Variants in NSMF observed in about 807,000 individuals in gnomAD.
The protein encoded by NSMF is nasal embryonic LHRH factor.
Under a neutral mutation model 71.0 loss-of-function variants are expected in NSMF, and 31 were observed. That is an observed-to-expected ratio of 0.44 (90% CI 0.33 to 0.59). The LOEUF is 0.59. Ranked by LOEUF, NSMF falls within the 20% of genes least tolerant of loss-of-function variation. The pLI is 0.04. For missense variants in NSMF, 673 were observed against 740.5 expected (o/e 0.91, Z 1.06); for synonymous variants, 345 against 287.1 (o/e 1.20, Z -2.04).
Position 137,449,820 on chromosome 9 carries a change from CG to C in NSMF, c.1419+102del. ...CATAAAGGATTTCTAGGGGAATGCC[CG>C]GGGGAAGGAAAAAAAATGCCAGGAA... On this transcript the variant is annotated intron_variant, in intron 14 of 15. Coordinates refer to ENST00000371475, the MANE Select transcript of NSMF (RefSeq NM_001130969.3). 2 of 1,330,770 alleles carry C rather than the reference CG, an allele frequency of 1.5e-6. 1 individual carries two copies. Among genetic ancestry groups the C allele is most frequent in the South Asian group, 2.4e-5 (2 of 84,630 alleles). 82.4% of individuals were successfully genotyped at this position (1,330,770 alleles called of 1,614,324 possible).
Position 137,459,076 on chromosome 9 carries a change from C to T in NSMF, c.27G>A (p.Arg9=). 1.6e-6 allele frequency: 2 copies of T among 1,270,064 alleles called. No individual in the cohort carries two copies. The highest frequency in any genetic ancestry group is 5.2e-5 in the South Asian group (2 of 38,184). 78.7% of individuals were successfully genotyped at this position (1,270,064 alleles called of 1,614,324 possible). The part of the protein sequence containing the change: MGAAASRR[R]ALRSEAMSSV... Reference sequence around the variant, plus strand: ...AGGACATGGCCTCGCTCCTCAGCGCCCTCCTCCTGGAGGCGGCGGCGCCCA... The same window carrying T: ...AGGACATGGCCTCGCTCCTCAGCGCTCTCCTCCTGGAGGCGGCGGCGCCCA... Residue 9 remains arginine (R), a synonymous_variant, in exon 1 of 16, where the codon AGG becomes AGA. Transcript: ENST00000371475.
intron 4 of NSMF, among the ~76,000 whole-genome samples, chr9:137,456,123 G>A (rs1830818779): frequency 6.6e-6 from 1 of 152,090 alleles, no homozygotes; most frequent in African/African-American, 2.4e-5. Context: ...GAGTGGATAG[G>A]AGCAGGAGAA....
At position 137,453,658 on chromosome 9, in the gene NSMF, G is replaced by A. The variant is rs971042917; in HGVS notation, c.922+73C>T. 7 of 1,230,588 alleles carry A rather than the reference G, an allele frequency of 5.7e-6. No individual in the cohort carries two copies. Among genetic ancestry groups the A allele is most frequent in the Non-Finnish European group, 7.9e-6 (7 of 888,054 alleles). The allele number at this position is 1,230,588 out of a possible 1,614,324, so 76.2% of individuals were successfully genotyped here. A position where few individuals can be genotyped will look rare whatever the true frequency, so the allele number is the denominator to read the frequency against. ...AAGCGCAGCCCAGCGGCCCTGGCAG[G>A]GGACCCCCAGCAGGGGTCTGGGGTC... On this transcript the variant is annotated intron_variant, in intron 8 of 15. Coordinates refer to ENST00000371475, the MANE Select transcript of NSMF (RefSeq NM_001130969.3). This position sits in a 1 kb window ranked among gnomAD's most constrained non-coding sequence, Gnocchi z 4.5.
chr9:137,449,683 A>C lies in NSMF; in HGVS notation c.1420-9T>G, dbSNP rs761519207. Reference sequence around the variant, plus strand: ...CTGAGGTTCTGGAACAGCTGGAGGAAGCGGGGTGCCATGAGTCCGAGGCAG... The same window carrying C: ...CTGAGGTTCTGGAACAGCTGGAGGACGCGGGGTGCCATGAGTCCGAGGCAG... On this transcript the variant is annotated splice_polypyrimidine_tract_variant and intron_variant, in intron 14 of 15. Coordinates refer to ENST00000371475, the MANE Select transcript of NSMF (RefSeq NM_001130969.3). The C allele has an allele frequency of 1.2e-6, 2 of 1,611,222 alleles. No homozygotes were observed. Among genetic ancestry groups the C allele is most frequent in the South Asian group, 2.2e-5 (2 of 90,758 alleles).
intron 2 of NSMF, 31 bp from the exon 3 acceptor site, chr9:137,457,932 C>A (rs973629661): frequency 1.1e-5 from 17 of 1,536,792 alleles, no homozygotes; most frequent in Non-Finnish European, 1.4e-5. Context: ...GCCTGCCTGC[C>A]GCGTGTGGGC....
chr9:137,449,288 A>G lies in NSMF; in HGVS notation c.*106T>C. On this transcript the variant is annotated 3_prime_UTR_variant, in exon 16 of 16. Transcript: ENST00000371475. ...GTCTGAGGTGCCCTGAAGTGGCTCC[A>G]GGCGAGACCGGAGCCACACAGTCCC... 2.1e-6 allele frequency: 2 copies of G among 938,252 alleles called. No individual in the cohort carries two copies. The highest frequency in any genetic ancestry group is 3.4e-6 in the Non-Finnish European group (2 of 594,996). 58.1% of individuals were successfully genotyped at this position (938,252 alleles called of 1,614,324 possible).
At chr9:137,456,698 G>A (rs1830853839) in intron 3 of NSMF, among the ~76,000 whole-genome samples, 1 of 152,214 alleles carries the variant, frequency 6.6e-6, no homozygotes. Context: ...TTGGTAACTT[G>A]ACGCTTTGAT....
chr9:137,454,363 C>T (rs910369482), intron 7 of NSMF, 28 bp downstream of exon 7: 2 of 1,546,756 alleles, frequency 1.3e-6, no homozygotes, highest in Non-Finnish European at 8.7e-7. Flanking sequence ...CAACGCCGCC[C>T]CCCCACCCCC....
rs1839731587 is a variant in NSMF at position 137,448,762 on chromosome 9, G to A, written c.*632C>T. 6.3e-6 allele frequency: 1 copy of A among 157,952 alleles called. No individual in the cohort carries two copies. The highest frequency in any genetic ancestry group is 2.4e-5 in the African/African-American group (1 of 41,498). 9.8% of individuals were successfully genotyped at this position (157,952 alleles called of 1,614,324 possible). A position where few individuals can be genotyped will look rare whatever the true frequency, so the allele number is the denominator to read the frequency against. ...GGCTGAGGTCTAAGTAAGCAGGGAT[G>A]GGGGGTGGCAAGAGGAGTGTAAGTG... On this transcript the variant is annotated 3_prime_UTR_variant, in exon 16 of 16. Coordinates refer to ENST00000371475, the MANE Select transcript of NSMF (RefSeq NM_001130969.3). The surrounding 1 kb of genome is among the most constrained non-coding windows in gnomAD (Gnocchi z 5.3).
At position 137,449,289 on chromosome 9, in the gene NSMF, G is replaced by A. The variant is rs1839774390; in HGVS notation, c.*105C>T. 4 of 963,582 alleles carry A rather than the reference G, an allele frequency of 4.2e-6. No individual in the cohort carries two copies. Among genetic ancestry groups the A allele is most frequent in the Non-Finnish European group, 6.5e-6 (4 of 617,556 alleles). The allele number at this position is 963,582 out of a possible 1,614,324, so 59.7% of individuals were successfully genotyped here. On this transcript the variant is annotated 3_prime_UTR_variant, in exon 16 of 16. Coordinates refer to ENST00000371475, the MANE Select transcript of NSMF (RefSeq NM_001130969.3). The stretch of plus-strand genomic sequence containing the variant: ...TCTGAGGTGCCCTGAAGTGGCTCCA[G>A]GCGAGACCGGAGCCACACAGTCCCG...
chr9:137,448,893 C>T lies in NSMF; in HGVS notation c.*501G>A, dbSNP rs901327749. 11 of 227,720 alleles carry T rather than the reference C, an allele frequency of 4.8e-5. No individual in the cohort carries two copies. Among genetic ancestry groups the T allele is most frequent in the Non-Finnish European group, 6.9e-5 (8 of 116,238 alleles). The allele number at this position is 227,720 out of a possible 1,614,324, so 14.1% of individuals were successfully genotyped here. The stretch of plus-strand genomic sequence containing the variant: ...CCCGGCGACGCTGGCCCCACGCACA[C>T]GGGCCACCCTGGTGCTGGTGATCGA... On this transcript the variant is annotated 3_prime_UTR_variant, in exon 16 of 16. Transcript: ENST00000371475. The surrounding 1 kb of genome is among the most constrained non-coding windows in gnomAD (Gnocchi z 5.3).
chr9:137,450,506 A>C (rs1224920083), intron 12 of NSMF, among the ~76,000 whole-genome samples: 1 of 16,136 alleles, frequency 6.2e-5, no homozygotes, highest in African/African-American at 3.4e-4. Context: ...CTCCCCCACC[A>C]CACGCCTCTT....
chr9:137,453,650 C>T lies in NSMF; in HGVS notation c.922+81G>A. 8.8e-7 allele frequency: 1 copy of T among 1,132,348 alleles called. No homozygotes were observed. Among genetic ancestry groups the T allele is most frequent in the Non-Finnish European group, 1.2e-6 (1 of 802,934 alleles). The allele number at this position is 1,132,348 out of a possible 1,614,324, so 70.1% of individuals were successfully genotyped here. On this transcript the variant is annotated intron_variant, in intron 8 of 15. Transcript: ENST00000371475. This position sits in a 1 kb window ranked among gnomAD's most constrained non-coding sequence, Gnocchi z 4.5. ...GAGTGCAAAAGCGCAGCCCAGCGGC[C>T]CTGGCAGGGGACCCCCAGCAGGGGT...
intron 9 of NSMF, 73 bp from the exon 10 acceptor site, chr9:137,452,892 G>A (rs774447614): frequency 1.1e-5 from 17 of 1,549,516 alleles, no homozygotes; most frequent in Middle Eastern, 1.8e-4. Context: ...GCCCCCATGA[G>A]GCTACCTTCT....
chr9:137,449,174 G>A lies in NSMF; in HGVS notation c.*220C>T, dbSNP rs970637664. 10 of 600,404 alleles carry A rather than the reference G, an allele frequency of 1.7e-5. No homozygotes were observed. The highest frequency in any genetic ancestry group is 4.4e-4 in the Middle Eastern group (1 of 2,272). 37.2% of individuals were successfully genotyped at this position (600,404 alleles called of 1,614,324 possible). A position where few individuals can be genotyped will look rare whatever the true frequency, so the allele number is the denominator to read the frequency against. ...GGCCGCTGAGCATCCACGGGCCACAGGGCGGGATCCTCCCGGCCCCCAGGG... is the reference window on the plus strand; with the variant it reads ...GGCCGCTGAGCATCCACGGGCCACAAGGCGGGATCCTCCCGGCCCCCAGGG... On this transcript the variant is annotated 3_prime_UTR_variant, in exon 16 of 16. Coordinates refer to ENST00000371475, the MANE Select transcript of NSMF (RefSeq NM_001130969.3).
intron 2 of NSMF, 99 bp downstream of exon 2, chr9:137,458,389 G>T: frequency 1.8e-6 from 2 of 1,105,008 alleles, no homozygotes; most frequent in Non-Finnish European, 2.6e-6. Context: ...GGGCCCACGC[G>T]CAACCAATGC....
chr9:137,456,682 A>G (rs1385248353), intron 3 of NSMF, among the ~76,000 whole-genome samples, 196 bp from the exon 4 acceptor site: 1 of 152,214 alleles, frequency 6.6e-6, no homozygotes, highest in African/African-American at 2.4e-5. Flanking sequence ...CACCAAGACC[A>G]CGCTCTTGGT....
chr9:137,449,941 C>T lies in NSMF; in HGVS notation c.1401G>A (p.Gly467=), dbSNP rs199663813. ...ACTGTACCTTCTCTCCATTGGGGTT[C>T]CCCAGAATGTAGCAGCCCATGATGT... ...VIHIMGCYIL[G]NPNGEKLFQN... Residue 467 remains glycine (G), a synonymous_variant, in exon 14 of 16, where the codon GGG becomes GGA. Transcript: ENST00000371475. 2.4e-4 allele frequency: 385 copies of T among 1,613,078 alleles called. 8 individuals are homozygous for T. In the South Asian group the frequency reaches 4.0e-3, roughly 17 times the overall value.
chr9:137,455,269 C>T lies in NSMF; in HGVS notation c.749G>A (p.Arg250Gln), dbSNP rs542963676. Residue 250 changes from arginine to glutamine, a missense_variant, in exon 6 of 16, where the codon CGG (arginine) becomes CAG (glutamine). Coordinates refer to ENST00000371475, the MANE Select transcript of NSMF (RefSeq NM_001130969.3). ...GATTACAGACGCGGAATCATTCTCC[C>T]GTTTCCGGCGCTTCCTCTCCGCGTA... is the stretch of plus-strand genomic sequence containing the variant. ...RGYAERKRRK[R>Q]ENDSASVIQR... 3.8e-5 allele frequency: 61 copies of T among 1,612,810 alleles called. No individual in the cohort carries two copies. Among genetic ancestry groups the T allele is most frequent in the Admixed American group, 1.7e-4 (10 of 60,032 alleles).
Sources: allele counts gnomAD v4.1 joint callset (sites outside exome capture counted in the v4.1 genomes callset), GRCh38; gene constraint gnomAD v4.1.1; non-coding constraint Gnocchi (gnomAD v3.1); transcripts MANE v1.5; gene names NCBI Gene and HGNC (gene_info 2026-07-23, HGNC 2026-07-21).